The following CD96 variants were observed in gnomAD, a reference collection of about 807,000 sequenced individuals.
CD96 encodes the protein T-cell surface protein tactile.
A neutral mutation model predicts 71.3 loss-of-function variants in CD96; 70 were observed. That is an observed-to-expected ratio of 0.98 (90% confidence interval 0.81 to 1.20). CD96 has a LOEUF of 1.20. Among genes scored for constraint, CD96 ranks in the 50% most tolerant of loss-of-function variants. The pLI, the probability that CD96 is intolerant of heterozygous loss-of-function variation, is 0.00. For synonymous variants in CD96, 248 were observed against 233.0 expected (o/e 1.06, Z -0.59); for missense variants, 742 against 677.5 (o/e 1.10, Z -1.06).
At chr3:111,607,403 G>A (rs1389865458) in intron 8 of CD96, among the ~76,000 whole-genome samples, 2 of 152,162 alleles carry the variant, frequency 1.3e-5, no homozygotes, top group Non-Finnish European at 2.9e-5. Context: ...CATTAATAAT[G>A]GAGGTCAGTC....
intron 2 of CD96, among the ~76,000 whole-genome samples, chr3:111,553,443 T>G (rs1021522970): frequency 6.7e-6 from 1 of 148,822 alleles, no homozygotes; most frequent in Admixed American, 6.7e-5. Flanking sequence ...TCTTTTTTTT[T>G]TTTTTTGGCA....
intron 10 of CD96, among the ~76,000 whole-genome samples, chr3:111,626,072 G>A (rs993562489): frequency 1.3e-5 from 2 of 152,142 alleles, no homozygotes; most frequent in Non-Finnish European, 2.9e-5. Context: ...GGGAGGCTGA[G>A]GCGGGTGGAT....
At chr3:111,570,905 C>A in intron 3 of CD96, 8 of 1,592,774 alleles carry the variant, frequency 5.0e-6, no homozygotes, top group Non-Finnish European at 6.9e-6. Flanking sequence ...GAGGCATTTC[C>A]TGCTCAGTGC....
downstream of CD96, among the ~76,000 whole-genome samples, chr3:111,652,570 G>C (rs1940129776): frequency 6.6e-6 from 1 of 152,062 alleles, no homozygotes; most frequent in Non-Finnish European, 1.5e-5. Flanking sequence ...GTGTCTCTCT[G>C]TGTTTTTATA....
At chr3:111,602,062 A>G (rs1937513777) in intron 7 of CD96, among the ~76,000 whole-genome samples, 1 of 152,220 alleles carries the variant, frequency 6.6e-6, no homozygotes, top group Non-Finnish European at 1.5e-5. Flanking sequence ...GCCTTACTCA[A>G]CTTCATCTAA....
chr3:111,642,354 C>T (rs1238890642), intron 12 of CD96, among the ~76,000 whole-genome samples: 3 of 152,228 alleles, frequency 2.0e-5, no homozygotes, highest in Admixed American at 1.3e-4. Context: ...TCATTCAAGG[C>T]TATTGTGAAC....
At chr3:111,660,743 A>T (rs929181317) in intron 14 of CD96, among the ~76,000 whole-genome samples, 1 of 152,238 alleles carries the variant, frequency 6.6e-6, no homozygotes, top group Non-Finnish European at 1.5e-5. Context: ...ATCTTCAACA[A>T]GGCTGATACA....
At chr3:111,551,062 GA>G (rs1934676536) in intron 2 of CD96, among the ~76,000 whole-genome samples, 2 of 151,998 alleles carry the variant, frequency 1.3e-5, no homozygotes, top group Admixed American at 6.6e-5. Context: ...GAGATGCAAA[GA>G]AAAAATAAAG....
intron 8 of CD96, chr3:111,607,118 A>T (rs1937658076): frequency 3.2e-6 from 1 of 316,390 alleles, no homozygotes; most frequent in African/African-American, 2.2e-5. Flanking sequence ...GAGTTAACAT[A>T]GCTTCCAAAA....
intron 6 of CD96, among the ~76,000 whole-genome samples, 160 bp downstream of exon 6, chr3:111,598,370 A>T (rs1937351259): frequency 6.6e-6 from 1 of 152,228 alleles, no homozygotes; most frequent in Non-Finnish European, 1.5e-5. Context: ...CTGATGCTTC[A>T]TCTGTTTCTT....
At chr3:111,543,751 C>T (rs1380770561) in intron 1 of CD96, among the ~76,000 whole-genome samples, 2 of 152,070 alleles carry the variant, frequency 1.3e-5, no homozygotes, top group Non-Finnish European at 2.9e-5. Context: ...CCCAGACCCC[C>T]ACATATTTCT....
chr3:111,592,549 A>G (rs1420271717), intron 5 of CD96, among the ~76,000 whole-genome samples: 1 of 152,044 alleles, frequency 6.6e-6, no homozygotes, highest in East Asian at 1.9e-4. Flanking sequence ...TTCCATTTTC[A>G]TGATAAATTT....
intron 14 of CD96, among the ~76,000 whole-genome samples, chr3:111,660,433 A>G (rs1940328337): frequency 1.3e-5 from 2 of 152,270 alleles, no homozygotes; most frequent in Middle Eastern, 3.2e-3. Flanking sequence ...TTAAATGGCC[A>G]TACTAGCCAG....
At chr3:111,626,705 A>C (rs890554428) in intron 10 of CD96, among the ~76,000 whole-genome samples, 8 of 152,246 alleles carry the variant, frequency 5.3e-5, no homozygotes, top group African/African-American at 1.9e-4. Context: ...AGGACAGATA[A>C]ATAAATTGTA....
rs573662095 is a variant in CD96 at position 111,597,719 on chromosome 3, T to C, written c.808-401T>C. Among the ~76,000 whole-genome samples the C allele has an allele frequency of 5.3e-5, 8 of 152,346 alleles. No homozygotes were observed. In the South Asian group the frequency reaches 1.7e-3, roughly 32 times the overall value. ...CACAGAAACAGCTTGTAGATCCCCTTGAGCTTTTAATCTAACAGACTATTC... is the reference window on the plus strand; with the variant it reads ...CACAGAAACAGCTTGTAGATCCCCTCGAGCTTTTAATCTAACAGACTATTC... On this transcript the variant is annotated intron_variant, in intron 5 of 13. Coordinates refer to ENST00000352690, the MANE Select transcript of CD96 (RefSeq NM_005816.5).
chr3:111,638,092 C>A lies in CD96; in HGVS notation c.1401C>A (p.Thr467=). ...TTATATCCCTAGACAATGTCTTTAC[C>A]AGCACAGCCAGAGCATTTTCAGAAG... ...AGSTLHDNVF[T]STARAFSEVP... is the part of the protein sequence containing the mutation. Residue 467 remains threonine (T), a synonymous_variant, in exon 12 of 14, where the codon ACC becomes ACA. Transcript: ENST00000352690. 1 of 1,603,894 alleles carries A rather than the reference C, an allele frequency of 6.2e-7. No individual in the cohort carries two copies. The highest frequency in any genetic ancestry group is 1.3e-5 in the African/African-American group (1 of 74,746).
At position 111,577,215 on chromosome 3, in the gene CD96, G is replaced by A. The variant is rs541783823; in HGVS notation, c.544-1812G>A. Among the ~76,000 whole-genome samples the A allele has an allele frequency of 1.2e-4, 19 of 152,332 alleles. No homozygotes were observed. In the East Asian group the frequency reaches 3.1e-3, roughly 25 times the overall value. On this transcript the variant is annotated intron_variant, in intron 3 of 13. Coordinates refer to ENST00000352690, the MANE Select transcript of CD96 (RefSeq NM_005816.5). Reference sequence around the variant, plus strand: ...CTCTTTTTCCCACAACAAAGTGACAGTTGATGGAACTGTTCCAAATGGCAT... The same window carrying A: ...CTCTTTTTCCCACAACAAAGTGACAATTGATGGAACTGTTCCAAATGGCAT...
intron 5 of CD96, chr3:111,592,951 A>G (rs1488915177): frequency 6.6e-6 from 1 of 152,264 alleles, no homozygotes; most frequent in East Asian, 1.9e-4. Flanking sequence ...CAGCAATAAC[A>G]GGAGAAAGAG....
chr3:111,594,457 C>T, intron 5 of CD96: 1 of 417,848 alleles, frequency 2.4e-6, no homozygotes, highest in South Asian at 8.6e-5. Flanking sequence ...CTTACTTATC[C>T]TCCCTTGACT....
Sources: allele counts gnomAD v4.1 joint callset (sites outside exome capture counted in the v4.1 genomes callset), GRCh38; gene constraint gnomAD v4.1.1; transcripts MANE v1.5; gene names NCBI Gene and HGNC (gene_info 2026-07-23, HGNC 2026-07-21).